The following CNTNAP2 variants were observed in gnomAD, a reference collection of about 807,000 sequenced individuals.
CNTNAP2 encodes the protein contactin associated protein 2.
In CNTNAP2, 98 loss-of-function variants were observed where a neutral mutation model predicts 155.2. The observed-to-expected ratio is 0.63, with a 90% CI of 0.54 to 0.75. CNTNAP2 has a LOEUF of 0.75. Ranked by LOEUF, CNTNAP2 falls within the 30% of genes least tolerant of loss-of-function variation. The pLI, the probability that CNTNAP2 is intolerant of heterozygous loss-of-function variation, is 0.00. For missense variants in CNTNAP2, 1,727 were observed against 1,688.1 expected, an observed-to-expected ratio of 1.02 and a Z score of -0.40; for synonymous variants, 651 against 631.2, an observed-to-expected ratio of 1.03 and a Z score of -0.47.
At chr7:146,513,062 A>C (rs927408340) in intron 1 of CNTNAP2, among the ~76,000 whole-genome samples, 5 of 151,778 alleles carry the variant, frequency 3.3e-5, no homozygotes, top group Admixed American at 6.6e-5. Flanking sequence ...GTCTTTTTAC[A>C]GTTTTTTACT....
chr7:147,982,096 T>C (rs553081733), intron 15 of CNTNAP2, among the ~76,000 whole-genome samples: 5 of 152,116 alleles, frequency 3.3e-5, no homozygotes, highest in African/African-American at 4.8e-5. Context: ...TTTCATGAAA[T>C]TAGTTAAAAA....
intron 13 of CNTNAP2, among the ~76,000 whole-genome samples, chr7:147,692,964 T>G (rs562952587): frequency 3.2e-4 from 48 of 152,094 alleles, no homozygotes; most frequent in Non-Finnish European, 5.6e-4. Context: ...AGGAGTTTTA[T>G]AGTTTAGCAT....
At chr7:146,202,471 G>T (rs1369195448) in intron 1 of CNTNAP2, among the ~76,000 whole-genome samples, 1 of 152,072 alleles carries the variant, frequency 6.6e-6, no homozygotes, top group Non-Finnish European at 1.5e-5. Flanking sequence ...TAATGCCTGT[G>T]TATAAAGAGC....
intron 1 of CNTNAP2, among the ~76,000 whole-genome samples, chr7:146,238,962 T>C (rs1284758857): frequency 6.6e-6 from 1 of 152,158 alleles, no homozygotes; most frequent in Non-Finnish European, 1.5e-5. Flanking sequence ...GTCTCTCCCT[T>C]GACAGGTGAG....
At chr7:147,762,159 A>G (rs1797312649) in intron 13 of CNTNAP2, among the ~76,000 whole-genome samples, 5 of 150,074 alleles carry the variant, frequency 3.3e-5, no homozygotes. Flanking sequence ...TCTGTCTCAC[A>G]CACACACACA....
At chr7:146,277,397 C>T (rs802511) in intron 1 of CNTNAP2, among the ~76,000 whole-genome samples, 21,773 of 152,058 alleles carry the variant, frequency 0.14, 4,773 homozygotes, top group African/African-American at 0.47. Flanking sequence ...ACTGATGTTA[C>T]ATTGAACAAG....
intron 13 of CNTNAP2, among the ~76,000 whole-genome samples, chr7:147,864,638 C>G (rs1411490466): frequency 6.6e-6 from 1 of 152,050 alleles, no homozygotes; most frequent in Non-Finnish European, 1.5e-5. Flanking sequence ...TGAAGAGGTC[C>G]TTCACATCCC....
chr7:147,426,037 A>C (rs1310600124), intron 10 of CNTNAP2, among the ~76,000 whole-genome samples: 1 of 152,170 alleles, frequency 6.6e-6, no homozygotes, highest in Non-Finnish European at 1.5e-5. Flanking sequence ...AGATTAAAAA[A>C]TCAGTAATTT....
intron 1 of CNTNAP2, among the ~76,000 whole-genome samples, chr7:146,560,448 G>A (rs117729885): frequency 0.023 from 3,424 of 151,942 alleles, 49 homozygotes; most frequent in Middle Eastern, 0.048. Flanking sequence ...TGTGTTATAT[G>A]TGTATATATA....
At chr7:147,396,182 C>CATAT (rs58129350) in intron 10 of CNTNAP2, among the ~76,000 whole-genome samples, 313 of 145,444 alleles carry the variant, frequency 2.2e-3, no homozygotes, top group African/African-American at 5.7e-3. Flanking sequence ...ATATATATAG[C>CATAT]ATATATATAT....
chr7:146,693,003 G>T (rs1033654508), intron 1 of CNTNAP2, among the ~76,000 whole-genome samples: 7 of 152,038 alleles, frequency 4.6e-5, no homozygotes, highest in African/African-American at 1.7e-4. Flanking sequence ...AAGGGCACTG[G>T]ACTTGAGATG....
intron 1 of CNTNAP2, among the ~76,000 whole-genome samples, chr7:146,328,729 T>A (rs1480985392): frequency 1.3e-5 from 2 of 152,202 alleles, no homozygotes; most frequent in Non-Finnish European, 2.9e-5. Context: ...CATTCTCCTC[T>A]CTGTTACCAA....
chr7:146,901,629 T>G (rs1796002707), intron 3 of CNTNAP2, among the ~76,000 whole-genome samples: 1 of 152,172 alleles, frequency 6.6e-6, no homozygotes, highest in African/African-American at 2.4e-5. Context: ...TAGGAAAAAC[T>G]TAAATATGCA....
chr7:148,303,349 TG>T (rs772760473), intron 21 of CNTNAP2, among the ~76,000 whole-genome samples: 3 of 152,182 alleles, frequency 2.0e-5, no homozygotes, highest in Non-Finnish European at 4.4e-5. Context: ...AGTAAGCACC[TG>T]CTGAACATAC....
In CNTNAP2 at chr7:146,691,785, T is replaced by C. The variant is rs551777445; in HGVS notation, c.98-82486T>C. ...TTCACTCTCATCTCAAATCTCTATG[T>C]CTTGCAATGGTCAAGTTGGCATGAA... On this transcript the variant is annotated intron_variant, in intron 1 of 23. Transcript: ENST00000361727. Among the ~76,000 whole-genome samples the C allele has an allele frequency of 1.2e-3, 177 of 152,236 alleles. 1 individual carries two copies. The highest frequency in any genetic ancestry group is 9.4e-4 in the Non-Finnish European group (64 of 67,986).
intron 3 of CNTNAP2, among the ~76,000 whole-genome samples, chr7:146,918,347 C>T (rs1354383575): frequency 6.6e-6 from 1 of 151,896 alleles, no homozygotes; most frequent in Non-Finnish European, 1.5e-5. Flanking sequence ...ATTTAGAGCT[C>T]CTTTTAGCAG....
intron 1 of CNTNAP2, among the ~76,000 whole-genome samples, chr7:146,293,770 ATAAC>A (rs139181974): frequency 0.018 from 2,787 of 152,252 alleles, 70 homozygotes; most frequent in African/African-American, 0.062. Context: ...ATTTGAAAAA[ATAAC>A]TATTATTAAT....
At chr7:147,898,463 C>T (rs1799808022) in intron 13 of CNTNAP2, among the ~76,000 whole-genome samples, 1 of 152,180 alleles carries the variant, frequency 6.6e-6, no homozygotes, top group Admixed American at 6.5e-5. Context: ...CAAGTGTACA[C>T]TTAACATCCC....
intron 11 of CNTNAP2, among the ~76,000 whole-genome samples, chr7:147,516,853 T>C (rs1015700499): frequency 6.1e-5 from 9 of 146,366 alleles, no homozygotes; most frequent in African/African-American, 1.3e-4. Context: ...CTTTTCTTTT[T>C]TTTTTTTTTT....
Sources: gnomAD v4.1 joint callset for allele counts (sites outside exome capture counted in the v4.1 genomes callset) on GRCh38, gnomAD v4.1.1 for gene constraint, MANE v1.5 for transcripts, NCBI Gene and HGNC (gene_info 2026-07-23, HGNC 2026-07-21) for gene names.